The following ASXL3 variants were observed in gnomAD, a reference collection of about 807,000 sequenced individuals.
The protein encoded by ASXL3 is putative Polycomb group protein ASXL3.
In ASXL3, 34 loss-of-function variants were observed where a neutral mutation model predicts 170.6. That is an observed-to-expected ratio of 0.20 (90% CI 0.15 to 0.27). The LOEUF (loss-of-function observed/expected upper bound fraction) is 0.27, where lower values mean the gene tolerates loss of function less well. Among genes scored for constraint, ASXL3 ranks in the 10% least tolerant of loss-of-function variants. The pLI, the probability that ASXL3 is intolerant of heterozygous loss-of-function variation, is 1.00. For synonymous variants in ASXL3, 1,002 were observed against 989.1 expected (o/e 1.01, Z -0.24); for missense variants, 2,592 against 2,695.3 (o/e 0.96, Z 0.85).
At chr18:33,620,374 T>A (rs1408090501) in intron 2 of ASXL3, among the ~76,000 whole-genome samples, 1 of 152,096 alleles carries the variant, frequency 6.6e-6, no homozygotes, top group Non-Finnish European at 1.5e-5. Flanking sequence ...GTTTAAAGAA[T>A]AGCTCAGATC....
At chr18:33,742,067 C>G (rs1299939494) in intron 11 of ASXL3, among the ~76,000 whole-genome samples, 1 of 152,188 alleles carries the variant, frequency 6.6e-6, no homozygotes, top group Non-Finnish European at 1.5e-5. Flanking sequence ...TTACCAATAT[C>G]AAAAGAAACT....
intron 1 of ASXL3, among the ~76,000 whole-genome samples, chr18:33,601,546 C>A (rs981878671): frequency 1.3e-5 from 2 of 151,582 alleles, no homozygotes; most frequent in Non-Finnish European, 2.9e-5. Context: ...TATAGAATGA[C>A]TGAAAACATT....
At position 33,748,302 on chromosome 18, in the gene ASXL3, A is replaced by G. The variant is rs1236698563; in HGVS notation, c.*1707A>G. On this transcript the variant is annotated 3_prime_UTR_variant, in exon 12 of 12. Transcript: ENST00000269197. The stretch of plus-strand genomic sequence containing the variant: ...TGTGATTTTTTTATAATAACCAACT[A>G]TATAATATGTTTTTTTCTCCGTATT... 6.6e-6 allele frequency: 1 copy of G among 152,188 alleles called. No homozygotes were observed. The highest frequency in any genetic ancestry group is 1.5e-5 in the Non-Finnish European group (1 of 68,026). The allele number at this position is 152,188 out of a possible 1,614,324, so 9.4% of individuals were successfully genotyped here.
chr18:33,671,682 T>G, intron 6 of ASXL3, 65 bp from the exon 7 acceptor site: 2 of 1,418,622 alleles, frequency 1.4e-6, no homozygotes, highest in Non-Finnish European at 9.5e-7. Context: ...CTCAAACAAT[T>G]TTAGATTTTT....
chr18:33,671,102 T>G (rs1227429622), intron 6 of ASXL3, among the ~76,000 whole-genome samples: 3 of 152,152 alleles, frequency 2.0e-5, no homozygotes, highest in African/African-American at 7.2e-5. Flanking sequence ...TGTTGAACTT[T>G]AAGGGTGGAC....
rs73955172 is a variant in ASXL3 at position 33,666,083 on chromosome 18, A to G, written c.477+4346A>G. ...CTCTGTGTGGTTTGGACAGTGGAAC[A>G]TTATACATATGACCGGCTTGAAGGT... On this transcript the variant is annotated intron_variant, in intron 5 of 11. Coordinates refer to ENST00000269197, the MANE Select transcript of ASXL3 (RefSeq NM_030632.3). Among the ~76,000 whole-genome samples, 667 of 152,328 alleles carry G rather than the reference A, an allele frequency of 4.4e-3. 2 individuals carry two copies. The highest frequency in any genetic ancestry group is 0.015 in the African/African-American group (608 of 41,588).
chr18:33,619,649 A>T (rs1414404884), intron 2 of ASXL3, among the ~76,000 whole-genome samples: 1 of 152,086 alleles, frequency 6.6e-6, no homozygotes, highest in Non-Finnish European at 1.5e-5. Context: ...TACTGTGGGT[A>T]ATGGGAGAAC....
chr18:33,654,286 T>C (rs2066047829), intron 4 of ASXL3, among the ~76,000 whole-genome samples: 1 of 152,038 alleles, frequency 6.6e-6, no homozygotes, highest in Non-Finnish European at 1.5e-5. Context: ...AGGTATTCCC[T>C]CAATTACACA....
intron 5 of ASXL3, among the ~76,000 whole-genome samples, chr18:33,669,620 CG>C (rs1568316631): frequency 6.6e-6 from 1 of 151,788 alleles, no homozygotes; most frequent in Non-Finnish European, 1.5e-5. Context: ...AAAAGGACAT[CG>C]TTTTTTGATA....
chr18:33,680,052 A>C (rs2066490750), intron 7 of ASXL3, among the ~76,000 whole-genome samples: 1 of 151,016 alleles, frequency 6.6e-6, no homozygotes, highest in South Asian at 2.1e-4. Context: ...TATTAATTTC[A>C]TTATTTTTAC....
intron 8 of ASXL3, among the ~76,000 whole-genome samples, chr18:33,717,308 A>G (rs1425824829): frequency 1.3e-5 from 2 of 152,124 alleles, no homozygotes; most frequent in Admixed American, 1.3e-4. Flanking sequence ...CTTAAATATC[A>G]TGATATCTGT....
At chr18:33,653,762 GT>G (rs1381571247) in intron 4 of ASXL3, among the ~76,000 whole-genome samples, 1 of 151,996 alleles carries the variant, frequency 6.6e-6, no homozygotes, top group Non-Finnish European at 1.5e-5. Flanking sequence ...AAATCGCACA[GT>G]CCCCCTTATA....
intron 4 of ASXL3, among the ~76,000 whole-genome samples, chr18:33,651,870 A>G (rs1293857724): frequency 1.3e-5 from 2 of 152,108 alleles, no homozygotes; most frequent in Non-Finnish European, 2.9e-5. Flanking sequence ...TGTGTTGCCA[A>G]GGTACTTTGT....
intron 4 of ASXL3, among the ~76,000 whole-genome samples, chr18:33,659,923 T>A (rs1178975601): frequency 6.6e-6 from 1 of 152,154 alleles, no homozygotes; most frequent in Non-Finnish European, 1.5e-5. Context: ...AATTCTAAGT[T>A]TTTCCTTGTC....
chr18:33,719,810 A>G (rs2067229407), intron 8 of ASXL3, among the ~76,000 whole-genome samples: 1 of 152,022 alleles, frequency 6.6e-6, no homozygotes, highest in African/African-American at 2.4e-5. Context: ...GGCCCTCCCC[A>G]GACACTGAAT....
chr18:33,616,655 A>G (rs999438164), intron 2 of ASXL3: 2 of 152,166 alleles, frequency 1.3e-5, no homozygotes, highest in African/African-American at 4.8e-5. Flanking sequence ...GGTGGCTTAA[A>G]TAACAGAAAT....
At position 33,746,451 on chromosome 18, in the gene ASXL3, C is replaced by G. The variant is rs3809986; in HGVS notation, c.6603C>G (p.Ala2201=). Residue 2201 remains alanine (A), a synonymous_variant, in exon 12 of 12, where the codon GCC becomes GCG. Coordinates refer to ENST00000269197, the MANE Select transcript of ASXL3 (RefSeq NM_030632.3). ...CTCAGATGCCCGTTCAGAACTTTGC[C>G]GACAGCAGCAATGCAGATGAATTGG... ...QNAQMPVQNF[A]DSSNADELEL... is the part of the protein sequence containing the mutation. The G allele has an allele frequency of 1.2e-6, 2 of 1,614,018 alleles. No individual in the cohort carries two copies. Among genetic ancestry groups the G allele is most frequent in the African/African-American group, 1.3e-5 (1 of 75,054 alleles).
At chr18:33,583,007 A>G (rs905315766) in intron 1 of ASXL3, among the ~76,000 whole-genome samples, 2 of 152,234 alleles carry the variant, frequency 1.3e-5, no homozygotes, top group East Asian at 3.8e-4. Flanking sequence ...GCAATACATT[A>G]CATTCTAAAT....
In ASXL3 at chr18:33,578,400, C is replaced by CCGCCGCCGT. The variant is rs2064961309; in HGVS notation, c.-228_-220dup. 9.1e-6 allele frequency: 1 copy of CCGCCGCCGT among 109,750 alleles called. No individual in the cohort carries two copies. Among genetic ancestry groups the CCGCCGCCGT allele is most frequent in the African/African-American group, 3.4e-5 (1 of 29,046 alleles). The allele number at this position is 109,750 out of a possible 1,614,324, so 6.8% of individuals were successfully genotyped here. ...CCGGCCCGCCCGCCGCGCGCCGCCG[C>CCGCCGCCGT]CGCCGCCGTCGCGCGCCCCCACCCA... is the stretch of plus-strand genomic sequence containing the variant. On this transcript the variant is annotated 5_prime_UTR_variant, in exon 1 of 12. Transcript: ENST00000269197.
Sources: gnomAD v4.1 joint callset for allele counts (sites outside exome capture counted in the v4.1 genomes callset) on GRCh38, gnomAD v4.1.1 for gene constraint, MANE v1.5 for transcripts, NCBI Gene and HGNC (gene_info 2026-07-23, HGNC 2026-07-21) for gene names.